FAT2: variants seen among roughly 807,000 people sequenced by gnomAD.
The protein encoded by FAT2 is protocadherin Fat 2.
In FAT2, 150 loss-of-function variants were observed where a neutral mutation model predicts 295.3. The observed-to-expected ratio is 0.51, with a 90% CI of 0.44 to 0.58. FAT2 has a LOEUF of 0.58. FAT2 is among the 20% of genes least tolerant of loss of function. The pLI, the probability that FAT2 is intolerant of heterozygous loss-of-function variation, is 0.00. For missense variants in FAT2, 4,868 were observed against 5,442.7 expected, an observed-to-expected ratio of 0.89 and a Z score of 3.32; for synonymous variants, 2,026 against 2,150.3, an observed-to-expected ratio of 0.94 and a Z score of 1.60.
intron 18 of FAT2, among the ~76,000 whole-genome samples, chr5:151,524,744 C>T (rs938766262): frequency 1.3e-5 from 2 of 152,184 alleles, no homozygotes; most frequent in African/African-American, 2.4e-5. Flanking sequence ...ATGATGTTCT[C>T]AGTACCTCAG....
At chr5:151,564,721 G>A (rs1219667351) in intron 2 of FAT2, among the ~76,000 whole-genome samples, 8 of 152,140 alleles carry the variant, frequency 5.3e-5, no homozygotes, top group Non-Finnish European at 7.3e-5. Flanking sequence ...AGAGCAATTT[G>A]GAAATACTTA....
At chr5:151,573,363 A>C (rs919812942) in intron 1 of FAT2, among the ~76,000 whole-genome samples, 1 of 152,268 alleles carries the variant, frequency 6.6e-6, no homozygotes, top group Non-Finnish European at 1.5e-5. Flanking sequence ...TGTGGATAAT[A>C]AAAACTTTCA....
chr5:151,512,139 G>A lies in FAT2; in HGVS notation c.11905+26C>T. Reference sequence around the variant, plus strand: ...AAGAGCCTTCTGGGATAAACCCTGGGTTCAGCCTGGCACCCCAGCCCTCAC... The same window carrying A: ...AAGAGCCTTCTGGGATAAACCCTGGATTCAGCCTGGCACCCCAGCCCTCAC... On this transcript the variant is annotated intron_variant, in intron 21 of 23. Coordinates refer to ENST00000261800, the MANE Select transcript of FAT2 (RefSeq NM_001447.3). The surrounding 1 kb of genome is among the most constrained non-coding windows in gnomAD (Gnocchi z 4.1). The A allele has an allele frequency of 1.3e-6, 2 of 1,598,698 alleles. No individual in the cohort carries two copies. The highest frequency in any genetic ancestry group is 1.1e-5 in the South Asian group (1 of 89,930).
At chr5:151,532,336 A>G (rs1164586349) in intron 13 of FAT2, among the ~76,000 whole-genome samples, 1 of 152,176 alleles carries the variant, frequency 6.6e-6, no homozygotes, top group African/African-American at 2.4e-5. Flanking sequence ...GGTGTTGGTT[A>G]CAAGAATCTA....
intron 1 of FAT2, among the ~76,000 whole-genome samples, chr5:151,586,022 C>T (rs976544396): frequency 3.9e-5 from 6 of 152,192 alleles, no homozygotes; most frequent in South Asian, 2.1e-4. Flanking sequence ...CCAGAGCTCA[C>T]GTGCCATACT....
At chr5:151,517,906 G>A (rs1340552251) in intron 19 of FAT2, 141 bp from the exon 20 acceptor site, 4 of 1,036,946 alleles carry the variant, frequency 3.9e-6, no homozygotes, top group Non-Finnish European at 5.6e-6. Flanking sequence ...GGCTGGGTGT[G>A]GGGTGTGCCA....
chr5:151,588,036 A>G (rs941045509), intron 1 of FAT2, among the ~76,000 whole-genome samples: 1 of 152,172 alleles, frequency 6.6e-6, no homozygotes, highest in African/African-American at 2.4e-5. Context: ...TCTTCAAGGG[A>G]GACTTCAGAG....
At chr5:151,508,916 G>C (rs1039703116) in intron 22 of FAT2, among the ~76,000 whole-genome samples, 1 of 152,176 alleles carries the variant, frequency 6.6e-6, no homozygotes, top group African/African-American at 2.4e-5. Context: ...TTCTGATTCA[G>C]TTGGTCTAGG....
At chr5:151,526,381 G>A (rs1753979414) in intron 17 of FAT2, among the ~76,000 whole-genome samples, 1 of 152,188 alleles carries the variant, frequency 6.6e-6, no homozygotes. Context: ...CTTCCTTAGA[G>A]GACCTGCATG....
chr5:151,578,288 C>G (rs1375772087), intron 1 of FAT2, among the ~76,000 whole-genome samples: 1 of 152,284 alleles, frequency 6.6e-6, no homozygotes, highest in African/African-American at 2.4e-5. Context: ...CTTGCCACTT[C>G]GATCCAATGG....
intron 1 of FAT2, among the ~76,000 whole-genome samples, chr5:151,585,863 C>T (rs984996555): frequency 3.3e-5 from 5 of 152,094 alleles, no homozygotes; most frequent in African/African-American, 9.7e-5. Flanking sequence ...TAGCTTGTGC[C>T]GACTATGCTA....
In FAT2 at chr5:151,567,393, G is replaced by T. The variant is rs1758327006; in HGVS notation, c.1539C>A (p.Ile513=). ...LPFSIDPYLG[I]ISTSKPMDYE... ...AGTCCATGGGTTTGGAGGTGGAGATGATCCCCAGGTAGGGGTCAATAGAAA... is the reference window on the plus strand; with the variant it reads ...AGTCCATGGGTTTGGAGGTGGAGATTATCCCCAGGTAGGGGTCAATAGAAA... Residue 513 remains isoleucine (I), a synonymous_variant, in exon 2 of 24, where the codon ATC becomes ATA. Transcript: ENST00000261800. 1.9e-6 allele frequency: 3 copies of T among 1,614,198 alleles called. No individual in the cohort carries two copies. The highest frequency in any genetic ancestry group is 2.5e-6 in the Non-Finnish European group (3 of 1,180,024).
chr5:151,556,508 G>C lies in FAT2; in HGVS notation c.3575-106C>G, dbSNP rs1757705345. On this transcript the variant is annotated intron_variant, in intron 3 of 23. Transcript: ENST00000261800. ...TCAAATCTCAGATAAGAATTCTTCT[G>C]ATCTTTGAAGAACATGTAAAGACCA... is the stretch of plus-strand genomic sequence containing the variant. The C allele has an allele frequency of 5.4e-6, 4 of 735,366 alleles. No homozygotes were observed. The East Asian group carries it at 1.0e-4, about 19-fold the overall frequency. The allele number at this position is 735,366 out of a possible 1,614,324, so 45.6% of individuals were successfully genotyped here.
At chr5:151,522,714 C>T (rs190955972) in intron 18 of FAT2, among the ~76,000 whole-genome samples, 13 of 152,140 alleles carry the variant, frequency 8.5e-5, no homozygotes, top group African/African-American at 2.6e-4. Flanking sequence ...CATTTGAGTC[C>T]TGAGGGATGA....
rs1441100755 is a variant in FAT2, at chr5:151,531,198, C to T, written c.9811+389G>A. ...GGGACTCCAGGAGGGAAGCAGGCAG[C>T]CTTGTCCAGGGTTGCTTAAGCCCCA... is the stretch of plus-strand genomic sequence containing the variant. On this transcript the variant is annotated intron_variant, in intron 14 of 23. Transcript: ENST00000261800. This position sits in a 1 kb window ranked among gnomAD's most constrained non-coding sequence, Gnocchi z 5.7. Among the ~76,000 whole-genome samples the T allele has an allele frequency of 6.6e-6, 1 of 152,156 alleles. No individual in the cohort carries two copies. The highest frequency in any genetic ancestry group is 2.4e-5 in the African/African-American group (1 of 41,424).
chr5:151,560,650 A>T (rs769217308), intron 3 of FAT2, among the ~76,000 whole-genome samples: 1 of 152,186 alleles, frequency 6.6e-6, no homozygotes, highest in Admixed American at 6.5e-5. Context: ...TTACGATGTT[A>T]TGCCCTTTCA....
At chr5:151,525,742 C>G in intron 18 of FAT2, 26 bp downstream of exon 18, 1 of 1,613,598 alleles carries the variant, frequency 6.2e-7, no homozygotes, top group Non-Finnish European at 8.5e-7. Context: ...CCATGGTCAC[C>G]ACCAGAAGCC....
At chr5:151,592,030 C>A (rs559164415), upstream of FAT2, among the ~76,000 whole-genome samples, 1 of 152,328 alleles carries the variant, frequency 6.6e-6, no homozygotes, top group Non-Finnish European at 1.5e-5. Flanking sequence ...ATACCTGCTT[C>A]ATAAGGTTGT....
chr5:151,546,482 T>C (rs1756646689), intron 9 of FAT2, 145 bp from the exon 10 acceptor site: 1 of 599,568 alleles, frequency 1.7e-6, no homozygotes, highest in African/African-American at 1.9e-5. Context: ...ATATAGTGTA[T>C]AGAGTAGATA....
Sources: allele counts gnomAD v4.1 joint callset (sites outside exome capture counted in the v4.1 genomes callset), GRCh38; gene constraint gnomAD v4.1.1; non-coding constraint Gnocchi (gnomAD v3.1); transcripts MANE v1.5; gene names NCBI Gene and HGNC (gene_info 2026-07-23, HGNC 2026-07-21).